SRSF5: variants seen among roughly 807,000 people sequenced by gnomAD.
The protein encoded by SRSF5 is serine and arginine rich splicing factor 5, also known as serine/arginine-rich splicing factor 5.
Under a neutral mutation model 34.0 loss-of-function variants are expected in SRSF5, and 5 were observed. The ratio of observed to expected loss-of-function variants is 0.15; its 90% CI spans 0.08 to 0.31. The LOEUF (loss-of-function observed/expected upper bound fraction) is 0.31, where lower values mean the gene tolerates loss of function less well. Ranked by LOEUF, SRSF5 falls within the 10% of genes least tolerant of loss-of-function variation. SRSF5 has a pLI of 1.00. For synonymous variants in SRSF5, 164 were observed against 117.7 expected (o/e 1.39, Z -2.55); for missense variants, 223 against 351.4 (o/e 0.63, Z 2.92).
At chr14:69,770,421 T>G (rs1883061401) in intron 5 of SRSF5, 46 bp from the exon 6 acceptor site, 6 of 1,600,476 alleles carry the variant, frequency 3.7e-6, no homozygotes, top group Non-Finnish European at 5.1e-6. Context: ...ATTGTTTGTG[T>G]GTCCCCTTTC....
chr14:69,770,598 T>G (rs1358580927), intron 6 of SRSF5, 58 bp downstream of exon 6: 1 of 1,508,658 alleles, frequency 6.6e-7, no homozygotes, highest in Non-Finnish European at 9.2e-7. Context: ...TACTGTGAAC[T>G]TAGTTTTGAG....
intron 2 of SRSF5, 139 bp from the exon 3 acceptor site, chr14:69,768,465 T>A: frequency 8.3e-7 from 1 of 1,200,508 alleles, no homozygotes; most frequent in Non-Finnish European, 1.2e-6. Context: ...CCACTCCCAG[T>A]GGCTCCTTGA....
At chr14:69,767,833 C>T (rs1002532765) in intron 1 of SRSF5, 9 of 369,984 alleles carry the variant, frequency 2.4e-5, no homozygotes, top group African/African-American at 1.7e-4. Context: ...CACTTCTCGG[C>T]CTTTCCTAAC....
chr14:69,768,492 G>A (rs1882808238), intron 2 of SRSF5, 112 bp from the exon 3 acceptor site: 2 of 1,247,234 alleles, frequency 1.6e-6, no homozygotes, highest in South Asian at 2.6e-5. Flanking sequence ...TTGACTGTAT[G>A]GCAGTGTCGT....
At chr14:69,768,561 C>A (rs1958085) in intron 2 of SRSF5, 43 bp from the exon 3 acceptor site, 1 of 1,576,216 alleles carries the variant, frequency 6.3e-7, no homozygotes, top group African/African-American at 1.4e-5. Context: ...TTGTAGAATA[C>A]TCTTCTAAAG....
In SRSF5 at chr14:69,771,243, C is replaced by T. The variant is rs147893895; in HGVS notation, c.601C>T (p.Arg201Cys). 6.4e-4 allele frequency: 1,034 copies of T among 1,613,990 alleles called. No individual in the cohort carries two copies. The highest frequency in any genetic ancestry group is 8.6e-4 in the Non-Finnish European group (1,011 of 1,180,052). Residue 201 changes from arginine (R) to cysteine (C), a missense_variant, in exon 8 of 8, where the codon CGT (arginine) becomes TGT (cysteine). Around this residue, in one of 4 missense-constraint regions of SRSF5, gnomAD observed 115 missense variants for 119.7 expected, o/e 0.96. Transcript: ENST00000557154. ...RSRTRSSSRS[R>C]SRSRSRSRKS... ...CCGGACCAGAAGTTCCTCTAGGTCT[C>T]GTAGCCGATCCCGTTCCCGTAGTCG...
In SRSF5 at chr14:69,769,188, T is replaced by C; in HGVS notation, c.303T>C (p.Ala101=). Residue 101 remains alanine (A), a synonymous_variant, in exon 5 of 8, where the codon GCT becomes GCC. Transcript: ENST00000557154. ...SRRPRNDRRN[A]PPVRTENRLI... ...TACGAATTTTCTTCCTCAGAAATGC[T>C]CCACCTGTAAGAACAGAAAATCGTC... is the stretch of plus-strand genomic sequence containing the variant. 6.2e-7 allele frequency: 1 copy of C among 1,614,188 alleles called. No homozygotes were observed. Among genetic ancestry groups the C allele is most frequent in the Non-Finnish European group, 8.5e-7 (1 of 1,180,038 alleles).
At chr14:69,768,064 GT>G in intron 1 of SRSF5, 73 bp from the exon 2 acceptor site, 2 of 1,533,908 alleles carry the variant, frequency 1.3e-6, no homozygotes, top group South Asian at 1.2e-5. Flanking sequence ...TGCCGTTGAT[GT>G]TTTTGATTGT....
rs1246730478 is a variant in SRSF5 at position 69,768,683 on chromosome 14, C to G, written c.197+9C>G. 1.9e-6 allele frequency: 3 copies of G among 1,613,956 alleles called. No homozygotes were observed. Among genetic ancestry groups the G allele is most frequent in the African/African-American group, 1.3e-5 (1 of 75,032 alleles). ...GAACTCTGTAGTGAAAGGTGAGATT[C>G]CTGTGTAACTAGATAACCCTGGGAC... On this transcript the variant is annotated intron_variant, in intron 3 of 7. Coordinates refer to ENST00000557154, the MANE Select transcript of SRSF5 (RefSeq NM_001320214.2).
chr14:69,771,690 G>C lies in SRSF5; in HGVS notation c.*229G>C. On this transcript the variant is annotated 3_prime_UTR_variant, in exon 8 of 8. Transcript: ENST00000557154. ...ATAAGCCTTCTGCTCACATTTTTGTGAATGTCTGAAGTATATAGTTTGTGT... is the reference window on the plus strand; with the variant it reads ...ATAAGCCTTCTGCTCACATTTTTGTCAATGTCTGAAGTATATAGTTTGTGT... The C allele has an allele frequency of 1.8e-6, 1 of 543,850 alleles. No individual in the cohort carries two copies. Among genetic ancestry groups the C allele is most frequent in the Non-Finnish European group, 3.2e-6 (1 of 312,068 alleles). The allele number at this position is 543,850 out of a possible 1,614,324, so 33.7% of individuals were successfully genotyped here.
chr14:69,768,991 G>A (rs548347614), intron 4 of SRSF5, 95 bp downstream of exon 4: 19 of 1,370,570 alleles, frequency 1.4e-5, no homozygotes, highest in South Asian at 1.1e-4. Context: ...GGGTCCTGCC[G>A]TATAATCTGT....
At chr14:69,770,103 C>G in intron 5 of SRSF5, 12 of 1,031,122 alleles carry the variant, frequency 1.2e-5, no homozygotes, top group Non-Finnish European at 1.3e-5. Flanking sequence ...TGTAAATGTT[C>G]TGTTTTTTTA....
intron 6 of SRSF5, 85 bp from the exon 7 acceptor site, chr14:69,770,910 T>C (rs1297845000): frequency 2.3e-5 from 28 of 1,207,148 alleles, no homozygotes; most frequent in Non-Finnish European, 3.2e-5. Context: ...AAAGTGAACA[T>C]AGAAACGACT....
intron 5 of SRSF5, chr14:69,769,479 T>G: frequency 2.0e-6 from 3 of 1,535,242 alleles, no homozygotes; most frequent in Non-Finnish European, 2.6e-6. Context: ...AAAATCAATT[T>G]TTAACCAAAT....
chr14:69,768,749 A>C, intron 3 of SRSF5, 49 bp from the exon 4 acceptor site: 1 of 1,611,994 alleles, frequency 6.2e-7, no homozygotes, highest in African/African-American at 1.3e-5. Context: ...TTCTAAGTAG[A>C]TTTATGTAGC....
In SRSF5 at chr14:69,768,874, C is replaced by G. The variant is rs754174307; in HGVS notation, c.274C>G (p.Arg92Gly). 1.6e-5 allele frequency: 26 copies of G among 1,614,108 alleles called. No homozygotes were observed. The highest frequency in any genetic ancestry group is 2.2e-5 in the Non-Finnish European group (26 of 1,180,008). Reference protein sequence around the residue: ...RGRYSDRFSSRRPRNDRRNAP... With the variant: ...RGRYSDRFSSGRPRNDRRNAP... ...ACGATACTCTGACCGTTTTAGTAGT[C>G]GCAGACCTCGAAATGATAGACGGTA... The change falls in exon 4 of 8, where the codon CGC becomes GGC. Residue 92 changes from arginine (R) to glycine (G), a missense_variant. Coordinates refer to ENST00000557154, the MANE Select transcript of SRSF5 (RefSeq NM_001320214.2).
intron 7 of SRSF5, 26 bp downstream of exon 7, chr14:69,771,131 AGTT>A: frequency 6.2e-7 from 1 of 1,612,942 alleles, no homozygotes; most frequent in East Asian, 2.2e-5. Flanking sequence ...TAAAGTCAAA[AGTT>A]GTATTTAATG....
intron 4 of SRSF5, 83 bp from the exon 5 acceptor site, chr14:69,769,099 C>A: frequency 6.6e-7 from 1 of 1,509,406 alleles, no homozygotes; most frequent in Non-Finnish European, 9.2e-7. Context: ...CTTGTGATAT[C>A]TGATGGCTTG....
At chr14:69,769,973 T>C (rs1301378427) in intron 5 of SRSF5, 93 of 1,051,420 alleles carry the variant, frequency 8.8e-5, no homozygotes, top group Non-Finnish European at 1.1e-4. Flanking sequence ...CAGTCGGGCA[T>C]ATGTCATGAA....
Sources: gnomAD v4.1 joint callset for allele counts on GRCh38, gnomAD v4.1.1 for gene constraint, gnomAD v4.1.1 regional missense constraint, MANE v1.5 for transcripts, NCBI Gene and HGNC (gene_info 2026-07-23, HGNC 2026-07-21) for gene names.